RNF144A: variants seen among roughly 807,000 people sequenced by gnomAD.
RNF144A encodes the protein ring finger protein 144A.
In RNF144A, 11 loss-of-function variants were observed where a neutral mutation model predicts 38.7. The ratio of observed to expected loss-of-function variants is 0.28; its 90% confidence interval spans 0.18 to 0.47. The LOEUF is 0.47. RNF144A is among the 20% of genes least tolerant of loss of function. The pLI is 0.99. For missense variants in RNF144A, 316 were observed against 377.2 expected, an observed-to-expected ratio of 0.84 and a Z score of 1.34; for synonymous variants, 149 against 143.9, an observed-to-expected ratio of 1.04 and a Z score of -0.25.
In RNF144A at chr2:6,996,999, G is replaced by A. The variant is rs1669788504; in HGVS notation, c.73G>A (p.Gly25Arg). 1 of 1,614,154 alleles carries A rather than the reference G, an allele frequency of 6.2e-7. No individual in the cohort carries two copies. Among genetic ancestry groups the A allele is most frequent in the African/African-American group, 1.3e-5 (1 of 75,062 alleles). The change falls in exon 3 of 9, where the codon GGG becomes AGG. Residue 25 changes from glycine to arginine, a missense_variant. By Grantham distance (125) the Gly-to-Arg change is moderately radical. Transcript: ENST00000320892. ...DPLVSCKLCL[G>R]EYPVEQMTTI... ...GCTGGTGTCTTGCAAGCTCTGTCTTGGGGAGTACCCAGTGGAGCAGATGAC... is the reference window on the plus strand; with the variant it reads ...GCTGGTGTCTTGCAAGCTCTGTCTTAGGGAGTACCCAGTGGAGCAGATGAC...
chr2:7,018,681 G>A lies in RNF144A; in HGVS notation c.302-1792G>A, dbSNP rs200899843. 3.9e-5 allele frequency among the ~76,000 whole-genome samples: 6 copies of A among 152,282 alleles called. No individual in the cohort carries two copies. In the East Asian group the frequency reaches 7.7e-4, roughly 20 times the overall value. On this transcript the variant is annotated intron_variant, in intron 5 of 8. Coordinates refer to ENST00000320892, the MANE Select transcript of RNF144A (RefSeq NM_014746.6). ...GGAACATTCTTAGAAAAGCAAATGT[G>A]GAAACTATCAACAAATAAGAGAAGA... is the stretch of plus-strand genomic sequence containing the variant.
At chr2:6,921,002 G>T (rs570529955) in intron 1 of RNF144A, among the ~76,000 whole-genome samples, 1 of 152,272 alleles carries the variant, frequency 6.6e-6, no homozygotes, top group East Asian at 1.9e-4. Flanking sequence ...TGTACTGTTG[G>T]ATCATATTTT....
chr2:6,947,415 C>T (rs1228676027), intron 2 of RNF144A, among the ~76,000 whole-genome samples: 1 of 151,714 alleles, frequency 6.6e-6, no homozygotes, highest in African/African-American at 2.4e-5. Flanking sequence ...ACAAGGAATC[C>T]TATATTACAT....
intron 2 of RNF144A, among the ~76,000 whole-genome samples, chr2:6,959,994 C>G (rs1667239229): frequency 6.6e-6 from 1 of 152,328 alleles, no homozygotes; most frequent in African/African-American, 2.4e-5. Flanking sequence ...CAGTGCTGCT[C>G]CATGTTACTT....
chr2:7,010,259 C>T (rs1670708529), intron 3 of RNF144A, among the ~76,000 whole-genome samples: 1 of 152,166 alleles, frequency 6.6e-6, no homozygotes, highest in Non-Finnish European at 1.5e-5. Context: ...GAGAAAGGTC[C>T]ATGCTAGAGC....
At chr2:7,045,260 A>G (rs1673259557), downstream of RNF144A, among the ~76,000 whole-genome samples, 1 of 152,196 alleles carries the variant, frequency 6.6e-6, no homozygotes, top group Non-Finnish European at 1.5e-5. Flanking sequence ...CTTCATGATA[A>G]AGGCTGTGTG....
intron 3 of RNF144A, among the ~76,000 whole-genome samples, chr2:6,998,107 T>C (rs1669875602): frequency 6.6e-6 from 1 of 151,632 alleles, no homozygotes; most frequent in East Asian, 1.9e-4. Context: ...TGAAAAAAGC[T>C]GAAAAATAAA....
chr2:7,015,952 C>T (rs1671108662), intron 5 of RNF144A, among the ~76,000 whole-genome samples: 1 of 151,856 alleles, frequency 6.6e-6, no homozygotes, highest in African/African-American at 2.4e-5. Context: ...TCCAGAGACT[C>T]CCAGTTTAGC....
intron 5 of RNF144A, among the ~76,000 whole-genome samples, chr2:7,019,705 G>A (rs969535124): frequency 6.6e-6 from 1 of 152,216 alleles, no homozygotes; most frequent in African/African-American, 2.4e-5. Flanking sequence ...TTCCTACAAA[G>A]GGCAGCCAAT....
chr2:7,060,143 C>T (rs1458715948), intron 6 of RNF144A, among the ~76,000 whole-genome samples: 1 of 151,972 alleles, frequency 6.6e-6, no homozygotes, highest in African/African-American at 2.4e-5. Flanking sequence ...CTAATTGTGT[C>T]TCCTCTTTCT....
chr2:7,031,191 GT>G (rs746871675), intron 8 of RNF144A, among the ~76,000 whole-genome samples: 1 of 152,168 alleles, frequency 6.6e-6, no homozygotes, highest in Non-Finnish European at 1.5e-5. Context: ...CTGGCCCTAG[GT>G]GTTAATGCCT....
At chr2:6,975,828 A>C (rs151083943) in intron 2 of RNF144A, among the ~76,000 whole-genome samples, 151 of 152,374 alleles carry the variant, frequency 9.9e-4, no homozygotes, top group African/African-American at 3.5e-3. Flanking sequence ...CCTGTCTCAA[A>C]AAATGAAAGA....
chr2:6,932,955 A>G (rs1175147574), intron 1 of RNF144A: 1 of 152,334 alleles, frequency 6.6e-6, no homozygotes, highest in East Asian at 1.9e-4. Context: ...TGTACAGACT[A>G]TTAGTATACG....
At chr2:6,961,416 T>C (rs1667330391) in intron 2 of RNF144A, among the ~76,000 whole-genome samples, 1 of 152,076 alleles carries the variant, frequency 6.6e-6, no homozygotes, top group Non-Finnish European at 1.5e-5. Context: ...TCTTAGAATG[T>C]GAACTACTCT....
At chr2:7,045,413 C>T (rs78765822), downstream of RNF144A, among the ~76,000 whole-genome samples, 9 of 152,236 alleles carry the variant, frequency 5.9e-5, no homozygotes, top group East Asian at 1.5e-3. Context: ...CTTCTGAGAG[C>T]GGTAAGGAGG....
intron 2 of RNF144A, among the ~76,000 whole-genome samples, chr2:6,948,481 G>A (rs944574066): frequency 3.9e-5 from 6 of 152,230 alleles, no homozygotes; most frequent in Non-Finnish European, 8.8e-5. Flanking sequence ...CCTGTGAGCT[G>A]TGGTGCTTCC....
chr2:7,057,167 C>A (rs372560720), intron 6 of RNF144A, among the ~76,000 whole-genome samples: 2 of 152,186 alleles, frequency 1.3e-5, no homozygotes, highest in African/African-American at 2.4e-5. Flanking sequence ...GCCATACAGA[C>A]CTTTCTATAT....
At chr2:7,027,821 TAA>T (rs1672013160) in intron 7 of RNF144A, among the ~76,000 whole-genome samples, 1 of 152,234 alleles carries the variant, frequency 6.6e-6, no homozygotes, top group East Asian at 1.9e-4. Flanking sequence ...CTAAAAATCA[TAA>T]GTCAATCATT....
At chr2:6,948,292 G>A (rs1021550324) in intron 2 of RNF144A, among the ~76,000 whole-genome samples, 5 of 152,230 alleles carry the variant, frequency 3.3e-5, no homozygotes, top group African/African-American at 9.6e-5. Flanking sequence ...GACAGCCTTA[G>A]AGGAGGTTGA....
Sources: gnomAD v4.1 joint callset for allele counts (sites outside exome capture counted in the v4.1 genomes callset) on GRCh38, gnomAD v4.1.1 for gene constraint, MANE v1.5 for transcripts, NCBI Gene and HGNC (gene_info 2026-07-23, HGNC 2026-07-21) for gene names.